The following EHD4 variants were observed in gnomAD, a reference collection of about 807,000 sequenced individuals.
EHD4 encodes the protein EH domain-containing protein 4.
Under a neutral mutation model 51.0 loss-of-function variants are expected in EHD4, and 37 were observed. That is an observed-to-expected ratio of 0.73 (90% CI 0.56 to 0.95). The LOEUF is 0.95. Among genes scored for constraint, EHD4 ranks in the 40% least tolerant of loss-of-function variants. The pLI is 0.00. For missense variants in EHD4, 632 were observed against 733.1 expected (o/e 0.86, Z 1.59); for synonymous variants, 297 against 317.3 (o/e 0.94, Z 0.68).
intron 3 of EHD4, 28 bp downstream of exon 3, chr15:41,943,039 G>A (rs557595963): frequency 2.0e-6 from 3 of 1,537,346 alleles, no homozygotes; most frequent in Non-Finnish European, 1.8e-6. Flanking sequence ...CCAGCACTTG[G>A]TGGGGAGGGG....
chr15:41,914,336 G>T (rs191287377), intron 4 of EHD4, among the ~76,000 whole-genome samples: 8 of 147,148 alleles, frequency 5.4e-5, no homozygotes, highest in Non-Finnish European at 1.2e-4. Context: ...TAAAGCCAGG[G>T]TATCAGCACG....
At chr15:41,904,463 G>A (rs1176106981) in intron 5 of EHD4, among the ~76,000 whole-genome samples, 1 of 152,038 alleles carries the variant, frequency 6.6e-6, no homozygotes, top group Non-Finnish European at 1.5e-5. Context: ...CCTCTGCCAC[G>A]GTGAGTCCAA....
chr15:41,903,892 C>T (rs979070399), intron 5 of EHD4, among the ~76,000 whole-genome samples: 6 of 152,222 alleles, frequency 3.9e-5, no homozygotes, highest in African/African-American at 1.4e-4. Flanking sequence ...GCAGCGGGTA[C>T]TGCAGGCCGG....
At chr15:41,955,004 T>C (rs2067877623) in intron 1 of EHD4, among the ~76,000 whole-genome samples, 1 of 152,218 alleles carries the variant, frequency 6.6e-6, no homozygotes, top group Non-Finnish European at 1.5e-5. Context: ...TAGTTTTCAC[T>C]TCATCCAAAG....
rs548469869 is a variant in EHD4, at chr15:41,931,966, C to T, written c.511+11101G>A. On this transcript the variant is annotated intron_variant, in intron 3 of 5. Coordinates refer to ENST00000220325, the MANE Select transcript of EHD4 (RefSeq NM_139265.4). The stretch of plus-strand genomic sequence containing the variant: ...CTGGGATTACAGGTGTGAGCCGCCG[C>T]GCCCAGCCAGCAATTTCTTTTTTTT... Among the ~76,000 whole-genome samples the T allele has an allele frequency of 1.4e-3, 208 of 152,146 alleles. 1 individual carries two copies. Among genetic ancestry groups the T allele is most frequent in the African/African-American group, 4.8e-3 (199 of 41,502 alleles).
intron 1 of EHD4, among the ~76,000 whole-genome samples, chr15:41,960,777 G>A (rs2067919605): frequency 6.7e-6 from 1 of 150,230 alleles, no homozygotes; most frequent in Non-Finnish European, 1.5e-5. Flanking sequence ...GGGTTCAAGT[G>A]ATTCTCCTGC....
rs1489425213 is a variant in EHD4, at chr15:41,898,853, AAAAT to A, written c.*1788_*1791del. On this transcript the variant is annotated 3_prime_UTR_variant, in exon 6 of 6. Transcript: ENST00000220325. ...CTCTCAAAATAAAAATAAAAATAAT[AAAAT>A]AATAAATGGTTCTTTTCTATGCGTC... The A allele has an allele frequency of 5.3e-5, 8 of 152,180 alleles. No homozygotes were observed. The highest frequency in any genetic ancestry group is 1.9e-4 in the African/African-American group (8 of 41,444). The allele number at this position is 152,180 out of a possible 1,614,324, so 9.4% of individuals were successfully genotyped here. A position where few individuals can be genotyped will look rare whatever the true frequency, so the allele number is the denominator to read the frequency against.
chr15:41,930,067 T>G (rs1040332301), intron 3 of EHD4, among the ~76,000 whole-genome samples: 1 of 152,232 alleles, frequency 6.6e-6, no homozygotes, highest in African/African-American at 2.4e-5. Context: ...TTTCTATAGG[T>G]GTAATTAGTT....
chr15:41,961,219 G>A (rs1022737630), intron 1 of EHD4, among the ~76,000 whole-genome samples: 1 of 152,202 alleles, frequency 6.6e-6, no homozygotes, highest in Non-Finnish European at 1.5e-5. Context: ...AGATGTGCTT[G>A]AAAGCACACT....
chr15:41,943,066 C>A lies in EHD4; in HGVS notation c.511+1G>T. 6.4e-7 allele frequency: 1 copy of A among 1,568,954 alleles called. No individual in the cohort carries two copies. The highest frequency in any genetic ancestry group is 8.6e-7 in the Non-Finnish European group (1 of 1,156,312). On this transcript the variant is annotated splice_donor_variant, in intron 3 of 5. Transcript: ENST00000220325. LOFTEE classifies it high-confidence loss of function. ...GGGGAGGGGCAGGGACAGGCACTGA[C>A]CTCGGCTGATGCGCTGCTTCTCCCC...
intron 1 of EHD4, among the ~76,000 whole-genome samples, chr15:41,958,505 T>TC (rs1417986151): frequency 2.0e-5 from 3 of 152,128 alleles, no homozygotes; most frequent in African/African-American, 7.2e-5. Context: ...GGTGTCTTCT[T>TC]TTTTTCATTG....
intron 5 of EHD4, among the ~76,000 whole-genome samples, chr15:41,906,563 A>T (rs537849029): frequency 6.6e-6 from 1 of 152,324 alleles, no homozygotes; most frequent in East Asian, 1.9e-4. Context: ...CTCTGCCCTC[A>T]CCATTGCAGG....
At chr15:41,911,710 A>G (rs890071269) in intron 4 of EHD4, among the ~76,000 whole-genome samples, 1 of 152,160 alleles carries the variant, frequency 6.6e-6, no homozygotes, top group Non-Finnish European at 1.5e-5. Flanking sequence ...CCCCAAGGGA[A>G]GCAGGAGGCC....
At chr15:41,946,561 T>A (rs4244586) in intron 2 of EHD4, among the ~76,000 whole-genome samples, 13 of 151,878 alleles carry the variant, frequency 8.6e-5, no homozygotes, top group South Asian at 2.1e-4. Flanking sequence ...AGACTTCGTC[T>A]CTACAAAAAA....
chr15:41,932,214 G>C (rs555808056), intron 3 of EHD4, among the ~76,000 whole-genome samples: 3 of 152,304 alleles, frequency 2.0e-5, no homozygotes, highest in African/African-American at 7.2e-5. Flanking sequence ...CCGAAGTACA[G>C]ACATGGACAA....
chr15:41,901,610 T>C (rs1415022359), intron 5 of EHD4, among the ~76,000 whole-genome samples: 3 of 151,972 alleles, frequency 2.0e-5, no homozygotes, highest in African/African-American at 7.3e-5. Flanking sequence ...TCTGGCAGAG[T>C]CAAAGCAGAG....
Position 41,940,925 on chromosome 15 carries a change from C to A in EHD4, c.511+2142G>T, listed in dbSNP as rs1406740077. ...TATGGTGGGAGCCAAAATCCGGAGGCCTTAAAATTTAGAGGTAAAAAGAAA... is the reference window on the plus strand; with the variant it reads ...TATGGTGGGAGCCAAAATCCGGAGGACTTAAAATTTAGAGGTAAAAAGAAA... On this transcript the variant is annotated intron_variant, in intron 3 of 5. Coordinates refer to ENST00000220325, the MANE Select transcript of EHD4 (RefSeq NM_139265.4). Among the ~76,000 whole-genome samples the A allele has an allele frequency of 3.3e-5, 5 of 152,230 alleles. No homozygotes were observed. In the East Asian group the frequency reaches 9.6e-4, roughly 29 times the overall value.
Position 41,972,271 on chromosome 15 carries a change from G to A in EHD4, c.224C>T (p.Thr75Ile). 1 of 1,574,588 alleles carries A rather than the reference G, an allele frequency of 6.4e-7. No individual in the cohort carries two copies. The highest frequency in any genetic ancestry group is 8.6e-7 in the Non-Finnish European group (1 of 1,162,374). ...GCGGTGACGGTACCTGATGAAGGTG[G>A]TCTTGCCGGTGCTGTACTGGCCCAC... ...LLVGQYSTGK[T>I]TFIRYLLEQD... Residue 75 changes from threonine to isoleucine, a missense_variant, in exon 1 of 6, where the codon ACC (threonine) becomes ATC (isoleucine). Physicochemically the swap from Thr to Ile is moderately conservative, Grantham distance 89. Coordinates refer to ENST00000220325, the MANE Select transcript of EHD4 (RefSeq NM_139265.4).
At chr15:41,911,202 C>G (rs573524948) in intron 4 of EHD4, among the ~76,000 whole-genome samples, 1 of 152,334 alleles carries the variant, frequency 6.6e-6, no homozygotes, top group African/African-American at 2.4e-5. Context: ...CCCATCTGCA[C>G]AAGGGTCGTT....
Sources: allele counts gnomAD v4.1 joint callset (sites outside exome capture counted in the v4.1 genomes callset), GRCh38; gene constraint gnomAD v4.1.1; transcripts MANE v1.5; gene names NCBI Gene and HGNC (gene_info 2026-07-23, HGNC 2026-07-21).